The following COL24A1 variants were observed in gnomAD, a reference collection of about 807,000 sequenced individuals.
COL24A1 encodes the protein collagen type XXIV alpha 1 chain.
COL24A1 carries 224 observed loss-of-function variants against 253.9 expected under a neutral mutation model. The observed-to-expected ratio is 0.88, with a 90% CI of 0.79 to 0.99. COL24A1 has a LOEUF of 0.99. Among genes scored for constraint, COL24A1 ranks in the 50% least tolerant of loss-of-function variants. The pLI is 0.00. For synonymous variants in COL24A1, 685 were observed against 673.7 expected, an observed-to-expected ratio of 1.02 and a Z score of -0.26; for missense variants, 2,131 against 2,068.5, an observed-to-expected ratio of 1.03 and a Z score of -0.59.
At chr1:86,076,610 T>TG (rs1278624112) in intron 7 of COL24A1, among the ~76,000 whole-genome samples, 1 of 152,216 alleles carries the variant, frequency 6.6e-6, no homozygotes, top group Non-Finnish European at 1.5e-5. Flanking sequence ...AGAACAAAGC[T>TG]GGAGGCATCA....
At chr1:85,940,641 T>C (rs1688671390) in intron 24 of COL24A1, among the ~76,000 whole-genome samples, 1 of 152,190 alleles carries the variant, frequency 6.6e-6, no homozygotes, top group Non-Finnish European at 1.5e-5. Context: ...TTCAGACATT[T>C]GGATACATAA....
intron 51 of COL24A1, among the ~76,000 whole-genome samples, chr1:85,783,034 G>A (rs1215944395): frequency 6.6e-6 from 1 of 152,108 alleles, no homozygotes; most frequent in African/African-American, 2.4e-5. Flanking sequence ...AACTATTTAA[G>A]CGGTTCCTCA....
chr1:86,011,352 T>A (rs1223843773), intron 19 of COL24A1, among the ~76,000 whole-genome samples: 1 of 152,184 alleles, frequency 6.6e-6, no homozygotes. Flanking sequence ...GTGGAAATAA[T>A]AATGATTAAT....
chr1:85,965,045 CT>C lies in COL24A1; in HGVS notation c.2480del (p.Lys827ArgfsTer12), dbSNP rs1691429443. On this transcript the variant is annotated frameshift_variant, in exon 23 of 60. Transcript: ENST00000370571. LOFTEE classifies it high-confidence loss of function. ...ELGPRGKPGQKGYAGEPGPEG... is the reference protein window; with the variant it reads ...ELGPRGKPGQXGYAGEPGPEG... The stretch of plus-strand genomic sequence containing the variant: ...CTGGTCCTGGTTCACCTGCATACCC[CT>C]TTTGACCTGGTTTTCCCTAGAAGAG... 6.2e-7 allele frequency: 1 copy of C among 1,610,588 alleles called. No individual in the cohort carries two copies. Among genetic ancestry groups the C allele is most frequent in the Non-Finnish European group, 8.5e-7 (1 of 1,177,980 alleles).
rs143147274 is a variant in COL24A1 at position 85,855,076 on chromosome 1, G to A, written c.3301-5670C>T. On this transcript the variant is annotated intron_variant, in intron 37 of 59. Transcript: ENST00000370571. Reference sequence around the variant, plus strand: ...ATAGAAATGCTATTAATTTTTGTACGTTGATTTTGTATTCTGAAACTTTGC... The same window carrying A: ...ATAGAAATGCTATTAATTTTTGTACATTGATTTTGTATTCTGAAACTTTGC... 7.0e-4 allele frequency among the ~76,000 whole-genome samples: 106 copies of A among 152,164 alleles called. 1 individual carries two copies. The highest frequency in any genetic ancestry group is 2.3e-3 in the African/African-American group (96 of 41,532).
At position 85,784,266 on chromosome 1, in the gene COL24A1, C is replaced by T. The variant is rs1220375796; in HGVS notation, c.4160G>A (p.Gly1387Glu). The T allele has an allele frequency of 6.2e-7, 1 of 1,613,978 alleles. No homozygotes were observed. The highest frequency in any genetic ancestry group is 8.5e-7 in the Non-Finnish European group (1 of 1,179,904). Residue 1387 changes from glycine to glutamate, a missense_variant, in exon 49 of 60, where the codon GGG (glycine) becomes GAG (glutamate). Transcript: ENST00000370571. ...QGPCGDPGLK[G>E]QPGEYGVQGL... ...TTCTGAGGTGGTACATACAGGCTGC[C>T]CTTTCAGGCCAGGGTCTCCACATGG...
chr1:85,760,470 T>C (rs536730118), intron 55 of COL24A1, among the ~76,000 whole-genome samples: 1 of 152,268 alleles, frequency 6.6e-6, no homozygotes, highest in Non-Finnish European at 1.5e-5. Flanking sequence ...GGGGATAGTC[T>C]TCCTTGTGGC....
At chr1:85,793,507 C>A (rs779508221) in intron 47 of COL24A1, among the ~76,000 whole-genome samples, 2 of 151,648 alleles carry the variant, frequency 1.3e-5, no homozygotes, top group Non-Finnish European at 2.9e-5. Flanking sequence ...AGAGAGAGAG[C>A]GAGAGCGAGA....
intron 7 of COL24A1, among the ~76,000 whole-genome samples, chr1:86,069,897 C>G (rs1326503685): frequency 2.6e-5 from 4 of 152,126 alleles, no homozygotes; most frequent in Non-Finnish European, 4.4e-5. Context: ...ACAACAAATA[C>G]CTAACTCTTC....
intron 20 of COL24A1, among the ~76,000 whole-genome samples, chr1:85,981,384 AG>A (rs1322456376): frequency 6.6e-6 from 1 of 152,180 alleles, no homozygotes; most frequent in Non-Finnish European, 1.5e-5. Flanking sequence ...AAAAACATAA[AG>A]TGGGGAAAGA....
At chr1:85,982,644 A>G (rs1001370009) in intron 20 of COL24A1, among the ~76,000 whole-genome samples, 2 of 151,978 alleles carry the variant, frequency 1.3e-5, no homozygotes, top group Non-Finnish European at 2.9e-5. Context: ...CATACAGATT[A>G]TCCTCTCCTC....
chr1:85,737,098 T>C (rs937478090), intron 58 of COL24A1, among the ~76,000 whole-genome samples: 7 of 152,284 alleles, frequency 4.6e-5, no homozygotes, highest in Non-Finnish European at 1.0e-4. Context: ...ATTTCTAATG[T>C]GTGTGTATGC....
At chr1:86,126,471 T>C (rs900176988) in intron 2 of COL24A1, among the ~76,000 whole-genome samples, 12 of 152,002 alleles carry the variant, frequency 7.9e-5, no homozygotes, top group Admixed American at 2.0e-4. Flanking sequence ...TTATTTATTA[T>C]TAGTTTATTT....
chr1:86,064,644 A>T (rs1450589680), intron 7 of COL24A1, among the ~76,000 whole-genome samples: 1 of 152,168 alleles, frequency 6.6e-6, no homozygotes, highest in Non-Finnish European at 1.5e-5. Context: ...AATATCAAAA[A>T]TTTCCAATTA....
At chr1:85,797,473 A>C (rs1670958865) in intron 47 of COL24A1, among the ~76,000 whole-genome samples, 1 of 152,208 alleles carries the variant, frequency 6.6e-6, no homozygotes, top group African/African-American at 2.4e-5. Context: ...AAAATGGAAG[A>C]GCTTTCTAAG....
At chr1:86,045,260 G>A (rs1699809146) in intron 12 of COL24A1, among the ~76,000 whole-genome samples, 2 of 152,168 alleles carry the variant, frequency 1.3e-5, no homozygotes, top group Admixed American at 6.5e-5. Context: ...AAAGTGCTGG[G>A]ATTACAGGTG....
Position 85,785,721 on chromosome 1 carries a change from A to T in COL24A1, c.4059+633T>A, listed in dbSNP as rs146031112. 1.1e-3 allele frequency among the ~76,000 whole-genome samples: 175 copies of T among 152,338 alleles called. 1 individual carries two copies. The highest frequency in any genetic ancestry group is 4.1e-3 in the African/African-American group (171 of 41,584). On this transcript the variant is annotated intron_variant, in intron 48 of 59. Coordinates refer to ENST00000370571, the MANE Select transcript of COL24A1 (RefSeq NM_152890.7). ...AATTCTTTAGAAGTGGAACTGGGAA[A>T]ATCAGGTTAAGAGGTAATAATGGTA... is the stretch of plus-strand genomic sequence containing the variant.
At chr1:85,771,111 T>C (rs1010480048) in intron 53 of COL24A1, among the ~76,000 whole-genome samples, 3 of 152,180 alleles carry the variant, frequency 2.0e-5, no homozygotes, top group African/African-American at 7.2e-5. Flanking sequence ...TTTTAAATTA[T>C]TATTATTATA....
At chr1:85,896,171 A>G (rs1474651721) in intron 29 of COL24A1, 106 bp from the exon 30 acceptor site, 3 of 1,260,996 alleles carry the variant, frequency 2.4e-6, no homozygotes, top group South Asian at 1.4e-5. Context: ...CAGTAAGTAT[A>G]TAGTTCATTA....
Sources: gnomAD v4.1 joint callset for allele counts (sites outside exome capture counted in the v4.1 genomes callset) on GRCh38, gnomAD v4.1.1 for gene constraint, MANE v1.5 for transcripts, NCBI Gene and HGNC (gene_info 2026-07-23, HGNC 2026-07-21) for gene names.